Variants in MME observed in about 807,000 individuals in gnomAD.
MME encodes membrane metalloendopeptidase.
MME carries 98 observed loss-of-function variants against 113.2 expected under a neutral mutation model. That is an observed-to-expected ratio of 0.87 (90% confidence interval 0.74 to 1.02). The LOEUF is 1.02. Among genes scored for constraint, MME ranks in the 50% least tolerant of loss-of-function variants. The probability of loss-of-function intolerance (pLI) is 0.00; values close to 1 mark genes in which losing one functional copy is unlikely to be tolerated. For synonymous variants in MME, 292 were observed against 300.6 expected, an observed-to-expected ratio of 0.97 and a Z score of 0.30; for missense variants, 836 against 896.0, an observed-to-expected ratio of 0.93 and a Z score of 0.86.
chr3:155,077,780 G>T (rs772930713), upstream of MME, among the ~76,000 whole-genome samples: 2 of 151,794 alleles, frequency 1.3e-5, no homozygotes, highest in Admixed American at 1.3e-4. Context: ...AAAAATATTT[G>T]TTCTGGGAAA....
intron 3 of MME, 66 bp downstream of exon 3, chr3:155,085,160 A>G (rs1715565671): frequency 9.6e-7 from 1 of 1,041,804 alleles, no homozygotes; most frequent in Non-Finnish European, 1.5e-6. Context: ...TTAAATGCTA[A>G]TCTTAATTTG....
chr3:155,140,410 CTTTTTTTTTT>C, intron 10 of MME, 118 bp downstream of exon 10: 9 of 286,078 alleles, frequency 3.1e-5, no homozygotes, highest in East Asian at 9.1e-5. Flanking sequence ...ACTTCAATTC[CTTTTTTTTTT>C]TTTTTTTTTT....
chr3:155,181,229 T>C lies in MME; in HGVS notation c.*770T>C, dbSNP rs966574908. 6.6e-6 allele frequency: 1 copy of C among 151,984 alleles called. No individual in the cohort carries two copies. Among genetic ancestry groups the C allele is most frequent in the Non-Finnish European group, 1.5e-5 (1 of 67,986 alleles). 9.4% of individuals were successfully genotyped at this position (151,984 alleles called of 1,614,324 possible). ...TTTTTATATTTAATTATTAACTACA[T>C]TTATGAGTAACTATTATTATAGGTA... is the stretch of plus-strand genomic sequence containing the variant. On this transcript the variant is annotated 3_prime_UTR_variant, in exon 23 of 23. Coordinates refer to ENST00000360490, the MANE Select transcript of MME (RefSeq NM_007289.4).
In MME at chr3:155,091,416, T is replaced by C. The variant is rs1716290213; in HGVS notation, c.196+6322T>C. Among the ~76,000 whole-genome samples the C allele has an allele frequency of 2.0e-5, 3 of 152,270 alleles. No individual in the cohort carries two copies. The South Asian group carries it at 6.2e-4, about 32-fold the overall frequency. Reference sequence around the variant, plus strand: ...GAATGGTCAAGAAATTGAAAACATATATAAGTTGAGTTAAGCAGTTAAAGG... The same window carrying C: ...GAATGGTCAAGAAATTGAAAACATACATAAGTTGAGTTAAGCAGTTAAAGG... On this transcript the variant is annotated intron_variant, in intron 3 of 22. Transcript: ENST00000360490.
chr3:155,131,645 A>G (rs1050338552), intron 8 of MME, among the ~76,000 whole-genome samples: 2 of 152,166 alleles, frequency 1.3e-5, no homozygotes, highest in African/African-American at 4.8e-5. Context: ...TCAGGTTCTT[A>G]TTGATAACCT....
intron 8 of MME, among the ~76,000 whole-genome samples, chr3:155,126,453 C>T (rs145004796): frequency 0.011 from 1,588 of 151,076 alleles, 8 homozygotes; most frequent in Admixed American, 0.016. Flanking sequence ...GCATTTTATA[C>T]TCAATGCTAT....
At position 155,182,511 on chromosome 3, in the gene MME, C is replaced by T. The variant is rs1469828253; in HGVS notation, c.*2052C>T. Reference sequence around the variant, plus strand: ...ACCCTTTCCTCCTTTATCACAACCACCGTTACAAGTATACTTATATTTCCC... The same window carrying T: ...ACCCTTTCCTCCTTTATCACAACCATCGTTACAAGTATACTTATATTTCCC... On this transcript the variant is annotated 3_prime_UTR_variant, in exon 23 of 23. Transcript: ENST00000360490. 1.3e-5 allele frequency: 2 copies of T among 152,196 alleles called. No individual in the cohort carries two copies. Among genetic ancestry groups the T allele is most frequent in the Non-Finnish European group, 2.9e-5 (2 of 68,038 alleles). 9.4% of individuals were successfully genotyped at this position (152,196 alleles called of 1,614,324 possible).
chr3:155,084,478 T>A, intron 2 of MME, 151 bp downstream of exon 2: 1 of 784,250 alleles, frequency 1.3e-6, no homozygotes, highest in South Asian at 1.6e-5. Context: ...CATCAATATG[T>A]CAAAATAATT....
chr3:155,147,336 G>A, intron 15 of MME, 112 bp downstream of exon 15: 1 of 745,430 alleles, frequency 1.3e-6, no homozygotes, highest in South Asian at 1.4e-5. Context: ...ACCACAGGTT[G>A]TATTATATAA....
chr3:155,064,454 A>T (rs982334109), intron 1 of MME, among the ~76,000 whole-genome samples: 9 of 152,202 alleles, frequency 5.9e-5, no homozygotes, highest in African/African-American at 2.2e-4. Context: ...TAAGGAAAAA[A>T]GGTTTGTTTC....
At chr3:155,112,173 G>A (rs1176218487) in intron 3 of MME, 1 of 152,150 alleles carries the variant, frequency 6.6e-6, no homozygotes, top group East Asian at 1.9e-4. Flanking sequence ...TTTTCACAGA[G>A]CCACAGTCCA....
rs187010759 is a variant in MME, at chr3:155,116,439, G to C, written c.359-40G>C. ...AATTATGTTTGCATAGTGCAAATGAGCAATTATGTTGATGCATTTTATTAA... is the reference window on the plus strand; with the variant it reads ...AATTATGTTTGCATAGTGCAAATGACCAATTATGTTGATGCATTTTATTAA... On this transcript the variant is annotated intron_variant, in intron 4 of 22. Transcript: ENST00000360490. 1,348 of 1,363,464 alleles carry C rather than the reference G, an allele frequency of 9.9e-4. 16 individuals are homozygous for C. In the African/African-American group the frequency reaches 0.017, roughly 18 times the overall value. The allele number at this position is 1,363,464 out of a possible 1,614,324, so 84.5% of individuals were successfully genotyped here.
intron 3 of MME, among the ~76,000 whole-genome samples, chr3:155,095,713 C>T (rs1316602914): frequency 1.3e-5 from 2 of 151,970 alleles, no homozygotes; most frequent in East Asian, 3.9e-4. Context: ...ATTAATCAAG[C>T]AGCTTCTAAA....
chr3:155,052,891 G>A (rs1002548179), intron 1 of MME, among the ~76,000 whole-genome samples: 1 of 152,100 alleles, frequency 6.6e-6, no homozygotes, highest in East Asian at 1.9e-4. Context: ...TCTGTTGAAT[G>A]CTTCGGTGCT....
intron 13 of MME, 102 bp downstream of exon 13, chr3:155,143,673 T>C (rs1721298168): frequency 3.6e-6 from 5 of 1,385,036 alleles, no homozygotes. Context: ...TAAAATTTTA[T>C]TAATTTAGGC....
chr3:155,164,074 G>T (rs1371937671), intron 17 of MME, among the ~76,000 whole-genome samples: 1 of 151,468 alleles, frequency 6.6e-6, no homozygotes, highest in South Asian at 2.1e-4. Flanking sequence ...AGCCTGAAAG[G>T]TGGAGGTTGC....
chr3:155,155,028 C>T (rs1256871781), intron 16 of MME, among the ~76,000 whole-genome samples: 1 of 152,072 alleles, frequency 6.6e-6, no homozygotes, highest in African/African-American at 2.4e-5. Flanking sequence ...TAGATTTTTA[C>T]GTTTTATGCT....
At chr3:155,147,400 T>G (rs1721602451) in intron 15 of MME, among the ~76,000 whole-genome samples, 176 bp downstream of exon 15, 1 of 152,144 alleles carries the variant, frequency 6.6e-6, no homozygotes, top group Non-Finnish European at 1.5e-5. Context: ...TTGTTTTCAT[T>G]AGCCAGGACT....
chr3:155,029,192 G>A (rs1356916962), intron 1 of MME, among the ~76,000 whole-genome samples: 1 of 152,030 alleles, frequency 6.6e-6, no homozygotes, highest in African/African-American at 2.4e-5. Context: ...CAAAAAGGAG[G>A]AAACCAAATT....
Sources: allele counts gnomAD v4.1 joint callset (sites outside exome capture counted in the v4.1 genomes callset), GRCh38; gene constraint gnomAD v4.1.1; transcripts MANE v1.5; gene names NCBI Gene and HGNC (gene_info 2026-07-23, HGNC 2026-07-21).